The following LMTK2 variants were observed in gnomAD, a reference collection of about 807,000 sequenced individuals.
LMTK2 encodes the protein lemur tail kinase 2.
In LMTK2, 37 loss-of-function variants were observed where a neutral mutation model predicts 127.5. That is an observed-to-expected ratio of 0.29 (90% CI 0.22 to 0.38). The LOEUF is 0.38. LMTK2 is among the 10% of genes least tolerant of loss of function. LMTK2 has a pLI of 1.00. For synonymous variants in LMTK2, 819 were observed against 810.1 expected (o/e 1.01, Z -0.19); for missense variants, 1,694 against 1,920.3 (o/e 0.88, Z 2.20).
Position 98,107,194 on chromosome 7 carries a change from C to A in LMTK2, c.17C>A (p.Ala6Glu), listed in dbSNP as rs1796120392. 2 of 1,452,810 alleles carry A rather than the reference C, an allele frequency of 1.4e-6. No individual in the cohort carries two copies. The highest frequency in any genetic ancestry group is 2.7e-5 in the Admixed American group (1 of 37,686). 90.0% of individuals were successfully genotyped at this position (1,452,810 alleles called of 1,614,324 possible). The change falls in exon 1 of 14, where the codon GCG (alanine) becomes GAG (glutamate). Residue 6 changes from alanine to glutamate, a missense_variant. Coordinates refer to ENST00000297293, the MANE Select transcript of LMTK2 (RefSeq NM_014916.4). MPGPP[A>E]LRRRLLLLLL... ...GTGGGCGAGATGCCGGGGCCGCCGGCGTTGCGGCGGAGGCTGCTGCTGCTG... is the reference window on the plus strand; with the variant it reads ...GTGGGCGAGATGCCGGGGCCGCCGGAGTTGCGGCGGAGGCTGCTGCTGCTG...
chr7:98,141,352 A>T, intron 2 of LMTK2, 45 bp from the exon 3 acceptor site: 1 of 1,568,524 alleles, frequency 6.4e-7, no homozygotes, highest in Non-Finnish European at 8.8e-7. Context: ...TTCCTATTTT[A>T]AATGTTAGCC....
At chr7:98,196,016 C>G (rs1797617845) in intron 11 of LMTK2, among the ~76,000 whole-genome samples, 3 of 152,028 alleles carry the variant, frequency 2.0e-5, no homozygotes, top group Admixed American at 2.0e-4. Context: ...ATGGCGAAAC[C>G]CCATCTCTAC....
In LMTK2 at chr7:98,123,704, T is replaced by TAC. The variant is rs143477267; in HGVS notation, c.104-13589_104-13588dup. 5.0e-3 allele frequency among the ~76,000 whole-genome samples: 752 copies of TAC among 150,514 alleles called. 7 individuals are homozygous for TAC. The highest frequency in any genetic ancestry group is 0.018 in the East Asian group (91 of 5,122). On this transcript the variant is annotated intron_variant, in intron 1 of 13. Coordinates refer to ENST00000297293, the MANE Select transcript of LMTK2 (RefSeq NM_014916.4). ...TTTAGTTCTGGCCAATTTTCATATA[T>TAC]ACACACACACACACACACACACAGA...
At chr7:98,150,964 G>A (rs909851951) in intron 3 of LMTK2, among the ~76,000 whole-genome samples, 1 of 152,130 alleles carries the variant, frequency 6.6e-6, no homozygotes, top group East Asian at 1.9e-4. Flanking sequence ...GTATCAAAGT[G>A]TATATTTTAA....
chr7:98,192,025 A>G lies in LMTK2; in HGVS notation c.1560A>G (p.Gly520=). The G allele has an allele frequency of 1.2e-6, 2 of 1,607,978 alleles. No homozygotes were observed. The highest frequency in any genetic ancestry group is 1.7e-6 in the Non-Finnish European group (2 of 1,175,140). The part of the protein sequence containing the change: ...FESSLSDPGP[G]KQDDSGQDVP... The stretch of plus-strand genomic sequence containing the variant: ...GTTCGCTTTCAGATCCTGGGCCCGG[A>G]AAGCAAGATGACAGCGGCCAGGATG... The change falls in exon 11 of 14, where the codon GGA becomes GGG. Residue 520 remains glycine, a synonymous_variant. Coordinates refer to ENST00000297293, the MANE Select transcript of LMTK2 (RefSeq NM_014916.4).
chr7:98,146,791 A>G (rs1796780121), intron 3 of LMTK2, among the ~76,000 whole-genome samples: 2 of 152,208 alleles, frequency 1.3e-5, no homozygotes, highest in Admixed American at 1.3e-4. Context: ...GACACCAATA[A>G]TACAGTAATA....
chr7:98,174,345 C>A (rs991263500), intron 7 of LMTK2, among the ~76,000 whole-genome samples: 1 of 152,092 alleles, frequency 6.6e-6, no homozygotes, highest in Non-Finnish European at 1.5e-5. Flanking sequence ...AGTAAGGCAC[C>A]CACAGTGAAG....
intron 5 of LMTK2, among the ~76,000 whole-genome samples, chr7:98,155,899 G>A (rs538129342): frequency 2.0e-3 from 302 of 152,168 alleles, no homozygotes; most frequent in African/African-American, 6.6e-3. Context: ...AAACATTTGC[G>A]TTGTGATAGA....
At chr7:98,123,383 G>T (rs6943971) in intron 1 of LMTK2, among the ~76,000 whole-genome samples, 150,791 of 152,328 alleles carry the variant, frequency 0.99, 74,657 homozygotes, top group Middle Eastern at 1. Context: ...ACAGTTCTTT[G>T]GTTAGTTTTT....
rs1278701007 is a variant in LMTK2 at position 98,207,854 on chromosome 7, G to A, written c.*2362G>A. 1.3e-5 allele frequency: 2 copies of A among 152,096 alleles called. No homozygotes were observed. Among genetic ancestry groups the A allele is most frequent in the African/African-American group, 2.4e-5 (1 of 41,396 alleles). The allele number at this position is 152,096 out of a possible 1,614,324, so 9.4% of individuals were successfully genotyped here. ...TGCAATCCCAACACATTGGGGGGTC[G>A]AGGCGGACGGATCACTTTGAGCCCA... On this transcript the variant is annotated 3_prime_UTR_variant, in exon 14 of 14. Coordinates refer to ENST00000297293, the MANE Select transcript of LMTK2 (RefSeq NM_014916.4).
chr7:98,136,051 G>A (rs1420331419), intron 1 of LMTK2, among the ~76,000 whole-genome samples: 1 of 152,008 alleles, frequency 6.6e-6, no homozygotes, highest in Non-Finnish European at 1.5e-5. Flanking sequence ...AATATGAGGA[G>A]CCTGGAGCTT....
intron 6 of LMTK2, among the ~76,000 whole-genome samples, chr7:98,170,265 AG>A (rs1220229393): frequency 1.3e-5 from 2 of 152,222 alleles, no homozygotes; most frequent in Non-Finnish European, 2.9e-5. Flanking sequence ...CAGGGCTCAA[AG>A]CACAAATGGT....
chr7:98,166,655 A>G (rs1007412783), intron 6 of LMTK2, among the ~76,000 whole-genome samples: 1 of 152,236 alleles, frequency 6.6e-6, no homozygotes, highest in Admixed American at 6.5e-5. Flanking sequence ...ATACAGAAAT[A>G]CTTGCCATCG....
intron 3 of LMTK2, among the ~76,000 whole-genome samples, chr7:98,148,839 C>A (rs1335669196): frequency 1.3e-5 from 2 of 152,228 alleles, no homozygotes; most frequent in Admixed American, 6.5e-5. Flanking sequence ...TGAAGACCAG[C>A]TCCAGCTGAA....
rs202100658 is a variant in LMTK2 at position 98,193,726 on chromosome 7, G to A, written c.3261G>A (p.Val1087=). The A allele has an allele frequency of 1.1e-5, 18 of 1,613,872 alleles. No homozygotes were observed. The East Asian group carries it at 4.0e-4, about 36-fold the overall frequency. Residue 1087 remains valine (V), a synonymous_variant, in exon 11 of 14, where the codon GTG becomes GTA. Transcript: ENST00000297293. The surrounding 1 kb of genome is among the most constrained non-coding windows in gnomAD (Gnocchi z 4.1). ...GCGATGGTCACAGAGGCACAGAAGT[G>A]ACCCCTGAGACGTTCACAGCTGGCT... ...DAGDGHRGTE[V]TPETFTAGSQ...
At chr7:98,135,605 C>T (rs1360757986) in intron 1 of LMTK2, among the ~76,000 whole-genome samples, 1 of 152,070 alleles carries the variant, frequency 6.6e-6, no homozygotes, top group Non-Finnish European at 1.5e-5. Context: ...TACAGGCATG[C>T]TCACTGTGCC....
intron 1 of LMTK2, among the ~76,000 whole-genome samples, chr7:98,133,680 G>A (rs1796556864): frequency 6.6e-6 from 1 of 152,098 alleles, no homozygotes; most frequent in African/African-American, 2.4e-5. Context: ...TCACACTGAG[G>A]AAATCTAAGG....
rs367698498 is a variant in LMTK2, at chr7:98,125,922, G to A, written c.104-11393G>A. Among the ~76,000 whole-genome samples, 7 of 152,162 alleles carry A rather than the reference G, an allele frequency of 4.6e-5. No homozygotes were observed. The East Asian group carries it at 9.6e-4, about 21-fold the overall frequency. The stretch of plus-strand genomic sequence containing the variant: ...TACCCGGGCCCAGCCGTCTCTCACC[G>A]CCAGGCCTGCTTCAATATTCAATAG... On this transcript the variant is annotated intron_variant, in intron 1 of 13. Transcript: ENST00000297293.
At position 98,185,038 on chromosome 7, in the gene LMTK2, C is replaced by T. The variant is rs778006094; in HGVS notation, c.792-13C>T. 6.3e-7 allele frequency: 1 copy of T among 1,593,774 alleles called. No individual in the cohort carries two copies. The highest frequency in any genetic ancestry group is 1.7e-5 in the Admixed American group (1 of 59,958). ...TGATTCTTCTTGCCATGTTCACTTC[C>T]CTCTGTTTTCAGTGATTTAGCCCTG... is the stretch of plus-strand genomic sequence containing the variant. On this transcript the variant is annotated splice_polypyrimidine_tract_variant and intron_variant, in intron 7 of 13. Coordinates refer to ENST00000297293, the MANE Select transcript of LMTK2 (RefSeq NM_014916.4).
Sources: allele counts gnomAD v4.1 joint callset (sites outside exome capture counted in the v4.1 genomes callset), GRCh38; gene constraint gnomAD v4.1.1; non-coding constraint Gnocchi (gnomAD v3.1); transcripts MANE v1.5; gene names NCBI Gene and HGNC (gene_info 2026-07-23, HGNC 2026-07-21).